Variants in SATB1 observed in about 807,000 individuals in gnomAD.
SATB1 encodes SATB homeobox 1, also known as DNA-binding protein SATB1.
A neutral mutation model predicts 86.9 loss-of-function variants in SATB1; 11 were observed. That is an observed-to-expected ratio of 0.13 (90% CI 0.08 to 0.21). The LOEUF is 0.21. Ranked by LOEUF, SATB1 falls within the 10% of genes least tolerant of loss-of-function variation. SATB1 has a pLI of 1.00. For synonymous variants in SATB1, 357 were observed against 357.2 expected (o/e 1.00, Z 0.01); for missense variants, 551 against 937.6 (o/e 0.59, Z 5.39).
Position 18,444,819 on chromosome 3 carries a change from A to AAGGGGAGAGCGAGGCG in SATB1, c.-25+683_-25+698dup, listed in dbSNP as rs1699337790. ...TTTCCCCATACGAAGTGGGCGTTTAAAGGGGAGAGCGAGGCGAGGAGCGAG... is the reference window on the plus strand; with the variant it reads ...TTTCCCCATACGAAGTGGGCGTTTAAAGGGGAGAGCGAGGCGAGGGGAGAGCGAGGCGAGGAGCGAG... On this transcript the variant is annotated intron_variant, in intron 1 of 3. Coordinates refer to the SATB1 transcript ENST00000415069. The surrounding 1 kb of genome is among the most constrained non-coding windows in gnomAD (Gnocchi z 5.1). 1 of 218,204 alleles carries AAGGGGAGAGCGAGGCG rather than the reference A, an allele frequency of 4.6e-6. No individual in the cohort carries two copies. Among genetic ancestry groups the AAGGGGAGAGCGAGGCG allele is most frequent in the Non-Finnish European group, 7.6e-6 (1 of 131,120 alleles). 13.5% of individuals were successfully genotyped at this position (218,204 alleles called of 1,614,324 possible). A position where few individuals can be genotyped will look rare whatever the true frequency, so the allele number is the denominator to read the frequency against.
At chr3:18,440,811 T>C (rs1028195438), upstream of SATB1, among the ~76,000 whole-genome samples, 2 of 152,174 alleles carry the variant, frequency 1.3e-5, no homozygotes, top group African/African-American at 4.8e-5. Context: ...GAAAACCAAA[T>C]CAATTTGAAA....
At chr3:18,396,881 T>C (rs1575138707) in intron 6 of SATB1, among the ~76,000 whole-genome samples, 1 of 152,172 alleles carries the variant, frequency 6.6e-6, no homozygotes. Context: ...ACAGCTAATA[T>C]TAGTTATTCA....
At chr3:18,441,972 AC>A (rs1348441361), upstream of SATB1, among the ~76,000 whole-genome samples, 1 of 152,194 alleles carries the variant, frequency 6.6e-6, no homozygotes, top group Non-Finnish European at 1.5e-5. Flanking sequence ...CAAAAGAACT[AC>A]TTTTGTAGAT....
chr3:18,366,595 A>G (rs1695199232), intron 9 of SATB1, among the ~76,000 whole-genome samples: 1 of 152,114 alleles, frequency 6.6e-6, no homozygotes, highest in African/African-American at 2.4e-5. Flanking sequence ...TCACCACCCT[A>G]CCACATATTA....
intron 7 of SATB1, among the ~76,000 whole-genome samples, chr3:18,393,387 C>A (rs1053665695): frequency 6.6e-6 from 1 of 152,066 alleles, no homozygotes; most frequent in Non-Finnish European, 1.5e-5. Flanking sequence ...CAAAAATAAA[C>A]ACCATATATA....
rs1361793637 is a variant in SATB1, at chr3:18,346,564, T to TA, written c.*2605_*2606insT. The TA allele has an allele frequency of 7.2e-6, 1 of 138,832 alleles. No homozygotes were observed. Among genetic ancestry groups the TA allele is most frequent in the Non-Finnish European group, 1.6e-5 (1 of 63,934 alleles). 8.6% of individuals were successfully genotyped at this position (138,832 alleles called of 1,614,324 possible). ...ATTTTGCTCACTCCATCCTATCAGT[T>TA]TATTAACATGTGCTTGTGTGTGTGT... On this transcript the variant is annotated 3_prime_UTR_variant, in exon 11 of 11. Coordinates refer to ENST00000338745, the MANE Select transcript of SATB1 (RefSeq NM_002971.6).
At chr3:18,370,515 C>CAAAAAAAAAAAAAAAAAAAAAAGG (rs11391230) in intron 9 of SATB1, among the ~76,000 whole-genome samples, 1 of 49,440 alleles carries the variant, frequency 2.0e-5, no homozygotes, top group African/African-American at 9.7e-5. Context: ...CTGAGAGAGG[C>CAAAAAAAAAAAAAAAAAAAAAAGG]AAAAAAAAAA....
chr3:18,394,684 G>A lies in SATB1; in HGVS notation c.984C>T (p.Asn328=), dbSNP rs201021274. 60 of 1,614,108 alleles carry A rather than the reference G, an allele frequency of 3.7e-5. No individual in the cohort carries two copies. The Admixed American group carries it at 1.0e-3, about 27-fold the overall frequency. ...AAAGTCTATTCACTGCATACTGCTG[G>A]TTCAGCAGCTGAGCCATCACCAGCT... ...NQQLVMAQLL[N]QQYAVNRLLA... is the part of the protein sequence containing the mutation. The change falls in exon 7 of 11, where the codon AAC becomes AAT. Residue 328 remains asparagine, a synonymous_variant. Coordinates refer to ENST00000338745, the MANE Select transcript of SATB1 (RefSeq NM_002971.6). The surrounding 1 kb of genome is among the most constrained non-coding windows in gnomAD (Gnocchi z 5.9).
At chr3:18,440,238 T>C (rs990528760), upstream of SATB1, among the ~76,000 whole-genome samples, 6 of 152,202 alleles carry the variant, frequency 3.9e-5, no homozygotes, top group African/African-American at 1.4e-4. Flanking sequence ...CAGATTCTTT[T>C]GGGGTTTTGA....
intron 7 of SATB1, among the ~76,000 whole-genome samples, chr3:18,393,724 T>G (rs1696811302): frequency 6.6e-6 from 1 of 152,186 alleles, no homozygotes. Context: ...CCATACCCAG[T>G]GCCATTCATT....
intron 8 of SATB1, among the ~76,000 whole-genome samples, chr3:18,381,035 G>C (rs936113152): frequency 1.3e-5 from 2 of 152,158 alleles, no homozygotes; most frequent in Non-Finnish European, 2.9e-5. Flanking sequence ...CTTTTATCAA[G>C]GTAGGGTGTA....
At chr3:18,438,692 T>G (rs750439966) in exon 1 of SATB1, 3 of 152,212 alleles carry the variant, frequency 2.0e-5, no homozygotes, top group Non-Finnish European at 4.4e-5. Flanking sequence ...CATCCCCAAA[T>G]GAGGTGGTTA....
chr3:18,385,800 C>A (rs1696313978), intron 8 of SATB1, among the ~76,000 whole-genome samples: 1 of 151,996 alleles, frequency 6.6e-6, no homozygotes, highest in African/African-American at 2.4e-5. Context: ...CCCAAAGTTA[C>A]CCGGAAGGCA....
At chr3:18,373,197 T>TC (rs1287830626) in intron 9 of SATB1, among the ~76,000 whole-genome samples, 2 of 152,270 alleles carry the variant, frequency 1.3e-5, no homozygotes, top group African/African-American at 4.8e-5. Flanking sequence ...GAGAAGGGGC[T>TC]CTTAGGCCAC....
Position 18,386,369 on chromosome 3 carries a change from A to T in SATB1, c.1419+30T>A, listed in dbSNP as rs896747685. On this transcript the variant is annotated intron_variant, in intron 8 of 10. Transcript: ENST00000338745. The surrounding 1 kb of genome is among the most constrained non-coding windows in gnomAD (Gnocchi z 4.5). ...CAAGCATTAAAAAAAAGCTAAACAA[A>T]GAAGGGCAAGGAGGAAAAGGAGACC... The T allele has an allele frequency of 6.4e-7, 1 of 1,556,290 alleles. No homozygotes were observed. Among genetic ancestry groups the T allele is most frequent in the African/African-American group, 1.4e-5 (1 of 73,186 alleles).
At chr3:18,418,657 A>AAAATC in intron 2 of SATB1, among the ~76,000 whole-genome samples, 1 of 152,328 alleles carries the variant, frequency 6.6e-6, no homozygotes, top group East Asian at 1.9e-4. Flanking sequence ...GTATTCTGGC[A>AAAATC]AAATCGCCTA....
intron 9 of SATB1, among the ~76,000 whole-genome samples, chr3:18,358,999 A>C (rs1694784471): frequency 6.6e-6 from 1 of 152,058 alleles, no homozygotes; most frequent in Non-Finnish European, 1.5e-5. Flanking sequence ...GGTTACACAG[A>C]AAGAAAATTA....
Position 18,416,044 on chromosome 3 carries a change from C to A in SATB1, c.478G>T (p.Val160Leu), listed in dbSNP as rs748101380. 2.5e-6 allele frequency: 4 copies of A among 1,607,886 alleles called. No individual in the cohort carries two copies. Among genetic ancestry groups the A allele is most frequent in the Non-Finnish European group, 3.4e-6 (4 of 1,176,252 alleles). ...DATVADMLQD[V>L]YHVVTLKIQL... is the part of the protein sequence containing the mutation. ...ATTTTCAATGTGACCACATGATACA[C>A]ATCTTGAAGCATATCTGCTACTGTA... is the stretch of plus-strand genomic sequence containing the variant. Residue 160 changes from valine to leucine, a missense_variant, in exon 4 of 11, where the codon GTG becomes TTG. By Grantham distance (32) the Val-to-Leu change is conservative. This residue lies in a region of SATB1 where 153 missense variants were observed against 258.1 expected (regional missense o/e 0.59). Transcript: ENST00000338745.
At chr3:18,391,182 G>C (rs1450371610) in intron 7 of SATB1, among the ~76,000 whole-genome samples, 2 of 152,056 alleles carry the variant, frequency 1.3e-5, no homozygotes, top group Non-Finnish European at 2.9e-5. Flanking sequence ...ACCCTATTAA[G>C]ATGATAAGAA....
Sources: allele counts gnomAD v4.1 joint callset (sites outside exome capture counted in the v4.1 genomes callset), GRCh38; gene constraint gnomAD v4.1.1; regional missense constraint gnomAD v4.1.1; non-coding constraint Gnocchi (gnomAD v3.1); transcripts MANE v1.5; gene names NCBI Gene and HGNC (gene_info 2026-07-23, HGNC 2026-07-21).